RALYL: variants seen among roughly 807,000 people sequenced by gnomAD.
RALYL encodes the protein RNA-binding Raly-like protein.
Under a neutral mutation model 35.1 loss-of-function variants are expected in RALYL, and 29 were observed. The observed-to-expected ratio is 0.83, with a 90% CI of 0.61 to 1.13. RALYL has a LOEUF of 1.13. RALYL is among the 50% of genes most tolerant of loss of function. The probability of loss-of-function intolerance (pLI) is 0.00; values close to 1 mark genes in which losing one functional copy is unlikely to be tolerated. For missense variants in RALYL, 359 were observed against 360.4 expected (o/e 1.00, Z 0.03); for synonymous variants, 120 against 127.6 (o/e 0.94, Z 0.40).
chr8:84,241,813 C>A (rs538787065), intron 1 of RALYL, among the ~76,000 whole-genome samples: 3 of 150,184 alleles, frequency 2.0e-5, no homozygotes, highest in African/African-American at 7.3e-5. Context: ...TGGAGGAGGT[C>A]TTACAAATAT....
At chr8:84,470,134 C>G (rs1310920115) in intron 1 of RALYL, among the ~76,000 whole-genome samples, 9 of 152,294 alleles carry the variant, frequency 5.9e-5, no homozygotes, top group Non-Finnish European at 1.2e-4. Context: ...TAGACAGGAG[C>G]TGTTCCTATT....
At chr8:84,517,020 C>T (rs180776752) in intron 1 of RALYL, among the ~76,000 whole-genome samples, 22 of 152,220 alleles carry the variant, frequency 1.4e-4, no homozygotes, top group Admixed American at 7.2e-4. Context: ...AGTATTAACC[C>T]TACAGACTGT....
intron 5 of RALYL, among the ~76,000 whole-genome samples, chr8:84,856,313 G>A (rs566194558): frequency 6.6e-6 from 1 of 152,060 alleles, no homozygotes; most frequent in Non-Finnish European, 1.5e-5. Flanking sequence ...TGAGAAAATC[G>A]TTTTAGTGGC....
chr8:84,472,607 A>C (rs970652879), intron 1 of RALYL, among the ~76,000 whole-genome samples: 1 of 152,196 alleles, frequency 6.6e-6, no homozygotes, highest in Non-Finnish European at 1.5e-5. Flanking sequence ...AGACCAGATC[A>C]TAGGGAACTT....
At chr8:84,765,850 AC>A (rs1563553592) in intron 2 of RALYL, among the ~76,000 whole-genome samples, 2 of 151,404 alleles carry the variant, frequency 1.3e-5, no homozygotes, top group Admixed American at 1.3e-4. Context: ...AAAAAAAAAA[AC>A]CCTAAGAATA....
At chr8:84,426,179 G>A (rs867048289) in intron 1 of RALYL, among the ~76,000 whole-genome samples, 7 of 152,234 alleles carry the variant, frequency 4.6e-5, no homozygotes, top group Middle Eastern at 6.8e-3. Flanking sequence ...CTGCAGTGAA[G>A]CAAGTTAATA....
At chr8:84,817,070 C>A (rs1195883463) in intron 4 of RALYL, among the ~76,000 whole-genome samples, 1 of 152,152 alleles carries the variant, frequency 6.6e-6, no homozygotes, top group Non-Finnish European at 1.5e-5. Context: ...CTTTGAGATG[C>A]ACGGGATCTA....
chr8:84,623,207 G>T (rs1821951556), intron 2 of RALYL, among the ~76,000 whole-genome samples: 1 of 152,066 alleles, frequency 6.6e-6, no homozygotes, highest in African/African-American at 2.4e-5. Flanking sequence ...TTATTGTATT[G>T]TTTAAATGTT....
chr8:84,907,858 A>G (rs939575374), intron 8 of RALYL, among the ~76,000 whole-genome samples: 1 of 152,108 alleles, frequency 6.6e-6, no homozygotes, highest in African/African-American at 2.4e-5. Context: ...ATGAAAGGAC[A>G]AAATTTAAAA....
At chr8:84,538,504 G>A (rs1199718073) in intron 2 of RALYL, among the ~76,000 whole-genome samples, 2 of 152,082 alleles carry the variant, frequency 1.3e-5, no homozygotes, top group Non-Finnish European at 2.9e-5. Flanking sequence ...CACTACATTT[G>A]TTGTTTTAGA....
chr8:84,798,891 A>G (rs552103702), intron 3 of RALYL, among the ~76,000 whole-genome samples: 78 of 152,348 alleles, frequency 5.1e-4, no homozygotes, highest in Non-Finnish European at 1.0e-3. Context: ...GATGCCACCC[A>G]GACAGTGAGC....
At position 84,430,582 on chromosome 8, in the gene RALYL, G is replaced by T. The variant is rs563044747; in HGVS notation, c.-23-98717G>T. ...GGGAGGAAACCAGTGAGTGTCAGTG[G>T]TTTACTCTAGTGTAAAACATTTGGC... On this transcript the variant is annotated intron_variant, in intron 1 of 8. Coordinates refer to ENST00000521268, the MANE Select transcript of RALYL (RefSeq NM_173848.7). Among the ~76,000 whole-genome samples, 10 of 152,048 alleles carry T rather than the reference G, an allele frequency of 6.6e-5. No individual in the cohort carries two copies. In the South Asian group the frequency reaches 2.1e-3, roughly 32 times the overall value.
At chr8:84,831,219 TAAAG>T (rs1299819727) in intron 4 of RALYL, among the ~76,000 whole-genome samples, 1 of 152,084 alleles carries the variant, frequency 6.6e-6, no homozygotes, top group African/African-American at 2.4e-5. Flanking sequence ...ATTTGAAATG[TAAAG>T]AAATCTATAG....
intron 1 of RALYL, among the ~76,000 whole-genome samples, chr8:84,516,150 G>C (rs915365905): frequency 1.3e-5 from 2 of 151,984 alleles, no homozygotes; most frequent in Non-Finnish European, 2.9e-5. Context: ...ATTTTAGATG[G>C]TTGTAAACAC....
chr8:84,687,407 G>A (rs1242880757), intron 2 of RALYL, among the ~76,000 whole-genome samples: 6 of 151,994 alleles, frequency 3.9e-5, no homozygotes, highest in African/African-American at 9.7e-5. Context: ...AAAAATACCC[G>A]AGTGAAAACA....
intron 1 of RALYL, among the ~76,000 whole-genome samples, chr8:84,225,285 C>G (rs1439997431): frequency 6.6e-6 from 1 of 152,158 alleles, no homozygotes; most frequent in African/African-American, 2.4e-5. Flanking sequence ...AAATAGTCTC[C>G]TTAGCTGGAC....
At chr8:84,728,653 A>G (rs2132779307) in intron 2 of RALYL, among the ~76,000 whole-genome samples, 1 of 152,232 alleles carries the variant, frequency 6.6e-6, no homozygotes, top group East Asian at 1.9e-4. Context: ...ATTTTTGTAT[A>G]AGGTGTAAGG....
In RALYL at chr8:84,794,177, A is replaced by G. The variant is rs1019299224; in HGVS notation, c.333-10593A>G. On this transcript the variant is annotated intron_variant, in intron 3 of 8. Transcript: ENST00000521268. ...AGGCCAGGGCCTTGAAAATACATAG[A>G]TCATGTCATTTAGCACCATTTACAC... Among the ~76,000 whole-genome samples, 3 of 152,206 alleles carry G rather than the reference A, an allele frequency of 2.0e-5. No individual in the cohort carries two copies. In the East Asian group the frequency reaches 5.8e-4, roughly 29 times the overall value.
intron 3 of RALYL, among the ~76,000 whole-genome samples, chr8:84,785,207 G>A (rs1222917621): frequency 6.6e-6 from 1 of 152,124 alleles, no homozygotes; most frequent in African/African-American, 2.4e-5. Context: ...GCATGATGAT[G>A]AGAGTTTATG....
Sources: allele counts gnomAD v4.1 joint callset (sites outside exome capture counted in the v4.1 genomes callset), GRCh38; gene constraint gnomAD v4.1.1; transcripts MANE v1.5; gene names NCBI Gene and HGNC (gene_info 2026-07-23, HGNC 2026-07-21).